Variants in CDK14 observed in about 807,000 individuals in gnomAD.
CDK14 encodes the protein cyclin dependent kinase 14.
In CDK14, 34 loss-of-function variants were observed where a neutral mutation model predicts 60.7. The ratio of observed to expected loss-of-function variants is 0.56; its 90% CI spans 0.43 to 0.75. The LOEUF is 0.75. Among genes scored for constraint, CDK14 ranks in the 30% least tolerant of loss-of-function variants. The probability of loss-of-function intolerance (pLI) is 0.00; values close to 1 mark genes in which losing one functional copy is unlikely to be tolerated. For missense variants in CDK14, 482 were observed against 564.1 expected, an observed-to-expected ratio of 0.85 and a Z score of 1.47; for synonymous variants, 197 against 203.7, an observed-to-expected ratio of 0.97 and a Z score of 0.28.
At chr7:90,707,408 T>G (rs1801922294) in intron 2 of CDK14, among the ~76,000 whole-genome samples, 1 of 152,122 alleles carries the variant, frequency 6.6e-6, no homozygotes, top group African/African-American at 2.4e-5. Context: ...GGGCCTTGTC[T>G]GAAACACTAG....
intron 5 of CDK14, among the ~76,000 whole-genome samples, chr7:90,794,049 G>A (rs1033483642): frequency 1.3e-5 from 2 of 152,074 alleles, no homozygotes; most frequent in Non-Finnish European, 2.9e-5. Flanking sequence ...ACAAAAGAGA[G>A]AAATTTTAAA....
chr7:90,803,105 AT>A (rs35308838), intron 5 of CDK14, among the ~76,000 whole-genome samples: 2,339 of 148,834 alleles, frequency 0.016, 53 homozygotes, highest in African/African-American at 0.052. Context: ...TGAGTTAACC[AT>A]TTTTTTTTTT....
intron 2 of CDK14, among the ~76,000 whole-genome samples, chr7:90,671,619 A>G (rs989304030): frequency 7.2e-5 from 11 of 152,010 alleles, no homozygotes; most frequent in African/African-American, 2.7e-4. Context: ...CTTGTATGTT[A>G]CTTGGGGTGG....
chr7:91,132,415 A>G (rs1800147087), intron 14 of CDK14, among the ~76,000 whole-genome samples: 1 of 152,164 alleles, frequency 6.6e-6, no homozygotes, highest in East Asian at 1.9e-4. Flanking sequence ...ACGCGCAGAG[A>G]AAGTCATTTG....
chr7:90,640,170 G>A (rs10953012), intron 2 of CDK14, among the ~76,000 whole-genome samples: 46,904 of 151,694 alleles, frequency 0.31, 8,152 homozygotes, highest in East Asian at 0.67. Context: ...ATATGAACCC[G>A]GTACCTCAGA....
chr7:91,146,500 G>C (rs530943979), intron 14 of CDK14, among the ~76,000 whole-genome samples: 1 of 152,094 alleles, frequency 6.6e-6, no homozygotes, highest in South Asian at 2.1e-4. Context: ...CGTGCCCAGC[G>C]CTGAGGTTCT....
intron 14 of CDK14, among the ~76,000 whole-genome samples, chr7:91,185,332 C>A (rs73708282): frequency 0.18 from 11,859 of 66,440 alleles, 546 homozygotes; most frequent in Admixed American, 0.31. Flanking sequence ...AGCCCCTATG[C>A]ATCTCCTTTT....
At chr7:90,799,504 G>A (rs4728936) in intron 5 of CDK14, among the ~76,000 whole-genome samples, 30,986 of 151,628 alleles carry the variant, frequency 0.2, 3,310 homozygotes, top group South Asian at 0.24. Context: ...CCTGTTCAAC[G>A]TGGCAAAACC....
chr7:91,200,301 T>A (rs1802675125), intron 14 of CDK14, among the ~76,000 whole-genome samples: 1 of 152,214 alleles, frequency 6.6e-6, no homozygotes. Context: ...GTATTTGATA[T>A]TTTTACTTTA....
At chr7:91,096,502 A>AG (rs1252623214) in intron 12 of CDK14, among the ~76,000 whole-genome samples, 1 of 152,168 alleles carries the variant, frequency 6.6e-6, no homozygotes, top group Non-Finnish European at 1.5e-5. Flanking sequence ...AGAACTACCC[A>AG]GTTAAGCTTC....
intron 2 of CDK14, among the ~76,000 whole-genome samples, chr7:90,672,005 T>A (rs1801106778): frequency 6.6e-6 from 1 of 152,132 alleles, no homozygotes; most frequent in Non-Finnish European, 1.5e-5. Context: ...GTAGTGAATG[T>A]AATTTATTTG....
chr7:90,761,653 G>C (rs563906564), intron 4 of CDK14, among the ~76,000 whole-genome samples: 4 of 152,264 alleles, frequency 2.6e-5, no homozygotes, highest in African/African-American at 9.6e-5. Context: ...TTGAGGAGTG[G>C]TGGTGTCACT....
chr7:91,061,594 C>T (rs988968743), intron 11 of CDK14, among the ~76,000 whole-genome samples: 2 of 152,034 alleles, frequency 1.3e-5, no homozygotes, highest in African/African-American at 4.8e-5. Flanking sequence ...GGTGTCCTTT[C>T]TGTTCATTAG....
chr7:90,807,289 C>A (rs1788889679), intron 5 of CDK14, among the ~76,000 whole-genome samples: 1 of 152,190 alleles, frequency 6.6e-6, no homozygotes, highest in African/African-American at 2.4e-5. Context: ...AATGATCAGG[C>A]AGCAACATTT....
chr7:90,978,263 A>C (rs1414975502), intron 9 of CDK14, among the ~76,000 whole-genome samples: 1 of 152,140 alleles, frequency 6.6e-6, no homozygotes, highest in African/African-American at 2.4e-5. Flanking sequence ...GGTCAGCCGC[A>C]CAGCATGCGG....
chr7:90,712,708 T>C (rs180833494), intron 2 of CDK14, among the ~76,000 whole-genome samples: 2 of 152,244 alleles, frequency 1.3e-5, no homozygotes, highest in East Asian at 1.9e-4. Flanking sequence ...ATAATTGAGA[T>C]GCTAAGATTT....
At chr7:90,649,264 C>CTTTG (rs1563029666) in intron 2 of CDK14, among the ~76,000 whole-genome samples, 5 of 47,628 alleles carry the variant, frequency 1.0e-4, no homozygotes, top group East Asian at 9.2e-4. Flanking sequence ...TTCTTTCTTT[C>CTTTG]TTTCTTTCTT....
At chr7:90,762,078 A>T (rs12670410) in intron 4 of CDK14, among the ~76,000 whole-genome samples, 24,123 of 152,156 alleles carry the variant, frequency 0.16, 2,015 homozygotes, top group African/African-American at 0.18. Flanking sequence ...AGAGAGGGGT[A>T]TAGATAGTAA....
chr7:90,764,210 TAGAC>T (rs1200837591), intron 4 of CDK14, among the ~76,000 whole-genome samples: 3 of 152,308 alleles, frequency 2.0e-5, no homozygotes, highest in East Asian at 1.9e-4. Context: ...GTACAGTTCT[TAGAC>T]AGAAAGGTCT....
Sources: gnomAD v4.1 joint callset for allele counts (sites outside exome capture counted in the v4.1 genomes callset) on GRCh38, gnomAD v4.1.1 for gene constraint, MANE v1.5 for transcripts, NCBI Gene and HGNC (gene_info 2026-07-23, HGNC 2026-07-21) for gene names.